Variants in HTR3B observed in about 807,000 individuals in gnomAD.
HTR3B encodes the protein 5-hydroxytryptamine (serotonin) receptor 3B, ionotropic.
HTR3B carries 44 observed loss-of-function variants against 42.8 expected under a neutral mutation model. That is an observed-to-expected ratio of 1.03 (90% CI 0.81 to 1.32). The LOEUF is 1.32. Ranked by LOEUF, HTR3B falls within the 40% of genes most tolerant of loss-of-function variation. HTR3B has a pLI of 0.00. For missense variants in HTR3B, 527 were observed against 536.5 expected (o/e 0.98, Z 0.17); for synonymous variants, 203 against 209.0 (o/e 0.97, Z 0.25).
chr11:113,901,279 T>C (rs1437204302), upstream of HTR3B, among the ~76,000 whole-genome samples: 1 of 151,834 alleles, frequency 6.6e-6, no homozygotes, highest in East Asian at 1.9e-4. Context: ...TCATCTCTAC[T>C]AAAAAGAGAA....
Position 113,931,548 on chromosome 11 carries a change from A to T in HTR3B, c.258+120A>T, listed in dbSNP as rs1950034987. 1.2e-5 allele frequency: 9 copies of T among 721,910 alleles called. No individual in the cohort carries two copies. The South Asian group carries it at 1.5e-4, about 12-fold the overall frequency. The allele number at this position is 721,910 out of a possible 1,614,324, so 44.7% of individuals were successfully genotyped here. On this transcript the variant is annotated intron_variant, in intron 3 of 8. Coordinates refer to ENST00000260191, the MANE Select transcript of HTR3B (RefSeq NM_006028.5). ...TTATAGTTTCTTAGATCTGCAGCAG[A>T]CCTAATGTATTATAATTCATTTAAG...
At chr11:113,934,709 G>T (rs570369075) in intron 6 of HTR3B, among the ~76,000 whole-genome samples, 2 of 150,768 alleles carry the variant, frequency 1.3e-5, no homozygotes, top group African/African-American at 4.9e-5. Context: ...TTGCATTGTG[G>T]CCTGTTTGTC....
At chr11:113,918,021 G>A (rs556435606) in intron 2 of HTR3B, among the ~76,000 whole-genome samples, 38 of 151,998 alleles carry the variant, frequency 2.5e-4, no homozygotes, top group African/African-American at 8.9e-4. Context: ...CATATTCTTG[G>A]CCATCCTTTT....
At chr11:113,906,855 A>T (rs116849957) in intron 1 of HTR3B, among the ~76,000 whole-genome samples, 1 of 152,306 alleles carries the variant, frequency 6.6e-6, no homozygotes, top group East Asian at 1.9e-4. Flanking sequence ...TTTGAAGGAG[A>T]TCATTCATGT....
Position 113,946,987 on chromosome 11 carries a change from C to T in HTR3B, c.*850C>T, listed in dbSNP as rs1194945875. On this transcript the variant is annotated 3_prime_UTR_variant, in exon 9 of 9. Transcript: ENST00000260191. ...AACCAACCAGAGCATAAAATTCCTG[C>T]CATATCCCTCACCTTCTGAGGCTCT... Among the ~76,000 whole-genome samples, 1 of 152,202 alleles carries T rather than the reference C, an allele frequency of 6.6e-6. No homozygotes were observed. The highest frequency in any genetic ancestry group is 1.5e-5 in the Non-Finnish European group (1 of 68,036).
intron 6 of HTR3B, among the ~76,000 whole-genome samples, chr11:113,938,899 G>A (rs961236016): frequency 9.2e-5 from 14 of 152,172 alleles, no homozygotes; most frequent in African/African-American, 3.1e-4. Flanking sequence ...GGAGGCTGAG[G>A]CAGGAGAATC....
At chr11:113,934,106 G>A (rs936906575) in intron 6 of HTR3B, among the ~76,000 whole-genome samples, 2 of 152,190 alleles carry the variant, frequency 1.3e-5, no homozygotes, top group South Asian at 2.1e-4. Flanking sequence ...ACTATCATTC[G>A]CTGAGTGCGG....
chr11:113,912,058 G>T (rs181900533), intron 2 of HTR3B, among the ~76,000 whole-genome samples: 5 of 152,046 alleles, frequency 3.3e-5, no homozygotes, highest in Non-Finnish European at 7.4e-5. Flanking sequence ...CTTATGTTGC[G>T]GTGTGTATCA....
chr11:113,919,457 G>A (rs1236953961), intron 2 of HTR3B, among the ~76,000 whole-genome samples: 1 of 152,102 alleles, frequency 6.6e-6, no homozygotes, highest in Admixed American at 6.5e-5. Context: ...AGTACTACCA[G>A]TGAATCAGAG....
chr11:113,940,360 G>A (rs1950124812), intron 6 of HTR3B, among the ~76,000 whole-genome samples: 1 of 152,154 alleles, frequency 6.6e-6, no homozygotes, highest in Admixed American at 6.5e-5. Context: ...ACCCCACAGG[G>A]CTAGATCACC....
intron 1 of HTR3B, among the ~76,000 whole-genome samples, chr11:113,906,244 C>T (rs926124440): frequency 2.0e-5 from 3 of 152,074 alleles, no homozygotes; most frequent in Non-Finnish European, 4.4e-5. Context: ...GTTTACTTTA[C>T]GTATTTTACT....
In HTR3B at chr11:113,947,620, CCA is replaced by C. The variant is rs1267589132; in HGVS notation, c.*1484_*1485del. On this transcript the variant is annotated 3_prime_UTR_variant, in exon 9 of 9. Coordinates refer to ENST00000260191, the MANE Select transcript of HTR3B (RefSeq NM_006028.5). The stretch of plus-strand genomic sequence containing the variant: ...CCTCTGTGCATGCTCATGTCTGTGT[CCA>C]GATTTTCTCTTCTAACAAGGGCACC... Among the ~76,000 whole-genome samples the C allele has an allele frequency of 6.6e-6, 1 of 152,116 alleles. No individual in the cohort carries two copies. Among genetic ancestry groups the C allele is most frequent in the Non-Finnish European group, 1.5e-5 (1 of 68,030 alleles).
intron 2 of HTR3B, among the ~76,000 whole-genome samples, chr11:113,914,441 G>A (rs958642446): frequency 2.0e-5 from 3 of 151,108 alleles, no homozygotes; most frequent in African/African-American, 7.3e-5. Flanking sequence ...TCCAGCCTAG[G>A]CAACAAGAGC....
chr11:113,903,273 G>A (rs575795299), upstream of HTR3B, among the ~76,000 whole-genome samples: 1 of 152,204 alleles, frequency 6.6e-6, no homozygotes, highest in Non-Finnish European at 1.5e-5. Flanking sequence ...ATGAATTTTT[G>A]GCAAGACTAT....
chr11:113,912,531 C>A (rs1949807050), intron 2 of HTR3B, among the ~76,000 whole-genome samples: 2 of 152,256 alleles, frequency 1.3e-5, no homozygotes, highest in Non-Finnish European at 2.9e-5. Flanking sequence ...GCGTGAGCCA[C>A]CGTGCCCGGC....
At chr11:113,937,647 G>A (rs1046341947) in intron 6 of HTR3B, among the ~76,000 whole-genome samples, 2 of 152,198 alleles carry the variant, frequency 1.3e-5, no homozygotes, top group Non-Finnish European at 2.9e-5. Flanking sequence ...ACAGGAGGCT[G>A]CAAGGTGACT....
upstream of HTR3B, among the ~76,000 whole-genome samples, chr11:113,901,853 C>T (rs1460292872): frequency 6.6e-6 from 1 of 152,188 alleles, no homozygotes; most frequent in East Asian, 1.9e-4. Flanking sequence ...AATGCAATGT[C>T]GATCATCGCC....
At chr11:113,905,696 G>T (rs751949283) in intron 1 of HTR3B, among the ~76,000 whole-genome samples, 3 of 152,116 alleles carry the variant, frequency 2.0e-5, no homozygotes, top group Admixed American at 1.3e-4. Context: ...CACAAATCAA[G>T]AATTTATGAT....
At chr11:113,933,665 G>A (rs1181931259) in intron 6 of HTR3B, among the ~76,000 whole-genome samples, 4 of 152,120 alleles carry the variant, frequency 2.6e-5, no homozygotes, top group African/African-American at 7.2e-5. Context: ...ACACTCCTCC[G>A]ATGCAGCCCT....
Sources: gnomAD v4.1 joint callset for allele counts (sites outside exome capture counted in the v4.1 genomes callset) on GRCh38, gnomAD v4.1.1 for gene constraint, MANE v1.5 for transcripts, NCBI Gene and HGNC (gene_info 2026-07-23, HGNC 2026-07-21) for gene names.